ANK2: variants seen among roughly 807,000 people sequenced by gnomAD.
ANK2 encodes the protein ankyrin-2.
ANK2 carries 83 observed loss-of-function variants against 360.5 expected under a neutral mutation model. That is an observed-to-expected ratio of 0.23 (90% CI 0.19 to 0.28). The LOEUF (loss-of-function observed/expected upper bound fraction) is 0.28, where lower values mean the gene tolerates loss of function less well. ANK2 is among the 10% of genes least tolerant of loss of function. The pLI, the probability that ANK2 is intolerant of heterozygous loss-of-function variation, is 1.00. For missense variants in ANK2, 4,201 were observed against 4,795.7 expected (o/e 0.88, Z 3.66); for synonymous variants, 1,740 against 1,759.5 (o/e 0.99, Z 0.28).
At chr4:113,112,750 G>C (rs1298257334) in intron 1 of ANK2, among the ~76,000 whole-genome samples, 1 of 151,918 alleles carries the variant, frequency 6.6e-6, no homozygotes, top group Non-Finnish European at 1.5e-5. Context: ...CATACACTTG[G>C]GGGGTCTTGA....
At chr4:113,000,264 T>C (rs554029430) in intron 2 of ANK2, among the ~76,000 whole-genome samples, 2 of 152,354 alleles carry the variant, frequency 1.3e-5, no homozygotes, top group South Asian at 4.1e-4. Flanking sequence ...TGTCTGTCTC[T>C]GGTGATAAGA....
intron 1 of ANK2, among the ~76,000 whole-genome samples, chr4:113,069,365 T>C (rs557686451): frequency 6.6e-6 from 1 of 152,288 alleles, no homozygotes; most frequent in South Asian, 2.1e-4. Context: ...GAGCAGGCCA[T>C]CTTCCAGGTC....
chr4:113,119,552 T>A (rs2095193218), intron 1 of ANK2, among the ~76,000 whole-genome samples: 1 of 152,172 alleles, frequency 6.6e-6, no homozygotes, highest in African/African-American at 2.4e-5. Context: ...TTAGTGGCAT[T>A]CTGGAATACC....
intron 2 of ANK2, among the ~76,000 whole-genome samples, chr4:112,984,729 AG>A (rs2044276974): frequency 6.6e-6 from 1 of 152,194 alleles, no homozygotes; most frequent in African/African-American, 2.4e-5. Flanking sequence ...CAATCATGAG[AG>A]GTTATTGACT....
rs2154060445 is a variant in ANK2, at chr4:113,367,702, T to G, written c.11169T>G (p.Thr3723=). 1 of 1,614,006 alleles carries G rather than the reference T, an allele frequency of 6.2e-7. No homozygotes were observed. Among genetic ancestry groups the G allele is most frequent in the African/African-American group, 1.3e-5 (1 of 74,992 alleles). The stretch of plus-strand genomic sequence containing the variant: ...AAGACATTTCTGTTGGTTATTCCAC[T>G]TTTCAGGATGGCGTCCCCAAAACTG... ...SEEDISVGYS[T]FQDGVPKTEG... Residue 3723 remains threonine, a synonymous_variant, in exon 42 of 46, where the codon ACT becomes ACG. Transcript: ENST00000357077.
chr4:113,041,822 A>C (rs2063034517), intron 2 of ANK2, among the ~76,000 whole-genome samples: 1 of 152,134 alleles, frequency 6.6e-6, no homozygotes, highest in African/African-American at 2.4e-5. Context: ...GCCCAGGTCC[A>C]CTTTCTGGTT....
At chr4:113,106,990 T>G (rs1250452011) in intron 1 of ANK2, 2 of 513,550 alleles carry the variant, frequency 3.9e-6, no homozygotes, top group Non-Finnish European at 7.9e-6. Context: ...TTATGCATAC[T>G]TGGTGTCAAA....
At chr4:113,118,752 C>T (rs955539210) in intron 1 of ANK2, among the ~76,000 whole-genome samples, 6 of 152,110 alleles carry the variant, frequency 3.9e-5, no homozygotes, top group African/African-American at 7.2e-5. Context: ...TTCTTGACAG[C>T]GACTGCAGTT....
In ANK2 at chr4:112,826,787, T is replaced by C. The variant is rs111340927; in HGVS notation, c.-40+8523T>C. 1,376 of 1,021,670 alleles carry C rather than the reference T, an allele frequency of 1.3e-3. 8 individuals carry two copies. In the African/African-American group the frequency reaches 0.02, roughly 15 times the overall value. The allele number at this position is 1,021,670 out of a possible 1,614,324, so 63.3% of individuals were successfully genotyped here. On this transcript the variant is annotated intron_variant, in intron 1 of 30. Transcript: ENST00000503271. Reference sequence around the variant, plus strand: ...AAATTACTCTGCCTGGAAATAAAATTCTGTTGCTTCAAGCATCTTCTACTC... The same window carrying C: ...AAATTACTCTGCCTGGAAATAAAATCCTGTTGCTTCAAGCATCTTCTACTC...
At chr4:112,762,401 T>C in the ANK2 span, among the ~76,000 whole-genome samples, 1 of 152,250 alleles carries the variant, frequency 6.6e-6, no homozygotes, top group East Asian at 1.9e-4. Flanking sequence ...TATGATCCTA[T>C]TGATTTTTTT....
At chr4:113,038,523 G>A (rs1393533901) in intron 2 of ANK2, among the ~76,000 whole-genome samples, 1 of 151,782 alleles carries the variant, frequency 6.6e-6, no homozygotes, top group African/African-American at 2.4e-5. Flanking sequence ...TTTACTTGCT[G>A]GCCATCTGTG....
the ANK2 span, among the ~76,000 whole-genome samples, chr4:112,758,800 TCTG>T: frequency 1.0e-3 from 158 of 152,240 alleles, no homozygotes; most frequent in African/African-American, 3.2e-3. Flanking sequence ...TCCATCAAAC[TCTG>T]CTAATAGGAA....
At position 113,292,509 on chromosome 4, in the gene ANK2, A is replaced by T; in HGVS notation, c.2371A>T (p.Thr791Ser). 1 of 1,608,080 alleles carries T rather than the reference A, an allele frequency of 6.2e-7. No individual in the cohort carries two copies. The highest frequency in any genetic ancestry group is 8.5e-7 in the Non-Finnish European group (1 of 1,177,064). The change falls in exon 21 of 46, where the codon ACT becomes TCT. Residue 791 changes from threonine to serine, a missense_variant. Transcript: ENST00000357077. The stretch of plus-strand genomic sequence containing the variant: ...GCATGGGGCCAAGCCCAACGCCACC[A>T]CTGCGGTAAGGCAGACGCCACTGCC... ...LQHGAKPNAT[T>S]ANGNTALAIA...
At chr4:113,101,768 A>T (rs528842780) in intron 1 of ANK2, among the ~76,000 whole-genome samples, 1 of 152,308 alleles carries the variant, frequency 6.6e-6, no homozygotes, top group Admixed American at 6.5e-5. Flanking sequence ...GAGTTTTACA[A>T]GGAGACCTGG....
At chr4:113,238,582 A>G (rs935116024) in intron 7 of ANK2, among the ~76,000 whole-genome samples, 1 of 152,170 alleles carries the variant, frequency 6.6e-6, no homozygotes, top group Admixed American at 6.5e-5. Context: ...TTAATAACTA[A>G]TTTCAATACC....
chr4:113,372,564 C>T (rs765666678), intron 43 of ANK2: 44 of 1,535,758 alleles, frequency 2.9e-5, no homozygotes, highest in Non-Finnish European at 3.8e-5. Context: ...GAGCTGGAGG[C>T]CAGCTCAGAT....
chr4:113,048,274 ATATTTTTTTT>A (rs1340764916), upstream of ANK2, among the ~76,000 whole-genome samples: 103 of 41,516 alleles, frequency 2.5e-3, no homozygotes, highest in East Asian at 0.016. Flanking sequence ...ATATATATAT[ATATTTTTTTT>A]TTTTTTTTTT....
chr4:112,888,976 A>T (rs940218090), intron 1 of ANK2, among the ~76,000 whole-genome samples: 8 of 152,168 alleles, frequency 5.3e-5, no homozygotes, highest in Non-Finnish European at 1.2e-4. Context: ...AGAAAAAAGA[A>T]ATCATAGCAC....
At chr4:112,816,718 A>G (rs1560635582), upstream of ANK2, among the ~76,000 whole-genome samples, 1 of 152,252 alleles carries the variant, frequency 6.6e-6, no homozygotes, top group Non-Finnish European at 1.5e-5. Flanking sequence ...TTTCTACTTA[A>G]GAAGTGTCTT....
Sources: gnomAD v4.1 joint callset for allele counts (sites outside exome capture counted in the v4.1 genomes callset) on GRCh38, gnomAD v4.1.1 for gene constraint, MANE v1.5 for transcripts, NCBI Gene and HGNC (gene_info 2026-07-23, HGNC 2026-07-21) for gene names.